SLC10A7: variants seen among roughly 807,000 people sequenced by gnomAD.
The protein encoded by SLC10A7 is solute carrier family 10 member 7.
A neutral mutation model predicts 43.2 loss-of-function variants in SLC10A7; 29 were observed. The ratio of observed to expected loss-of-function variants is 0.67; its 90% CI spans 0.50 to 0.92. The LOEUF is 0.92. SLC10A7 is among the 40% of genes least tolerant of loss of function. The pLI is 0.00. For missense variants in SLC10A7, 295 were observed against 403.2 expected (o/e 0.73, Z 2.30); for synonymous variants, 152 against 144.8 (o/e 1.05, Z -0.35).
chr4:146,463,840 T>C (rs1333147268), intron 4 of SLC10A7, among the ~76,000 whole-genome samples: 1 of 151,530 alleles, frequency 6.6e-6, no homozygotes, highest in Non-Finnish European at 1.5e-5. Flanking sequence ...TTTTTTTTTT[T>C]TGAGACAAAG....
chr4:146,403,301 A>T (rs997212267), intron 5 of SLC10A7, among the ~76,000 whole-genome samples: 17 of 152,130 alleles, frequency 1.1e-4, no homozygotes, highest in African/African-American at 4.1e-4. Context: ...TAATTTCTGG[A>T]CTTGAGTTTC....
At chr4:146,392,451 G>C (rs573154738) in intron 5 of SLC10A7, among the ~76,000 whole-genome samples, 2 of 152,208 alleles carry the variant, frequency 1.3e-5, no homozygotes, top group East Asian at 3.9e-4. Flanking sequence ...ATATATGTGT[G>C]GGTCTATATA....
At chr4:146,349,779 A>T (rs572188753) in intron 5 of SLC10A7, among the ~76,000 whole-genome samples, 1 of 152,214 alleles carries the variant, frequency 6.6e-6, no homozygotes, top group South Asian at 2.1e-4. Context: ...AGCGGAACCT[A>T]GATATTGGGT....
intron 5 of SLC10A7, among the ~76,000 whole-genome samples, chr4:146,427,169 A>G (rs1729431810): frequency 6.6e-6 from 1 of 152,014 alleles, no homozygotes; most frequent in Non-Finnish European, 1.5e-5. Flanking sequence ...GTCTCTATAA[A>G]AAATTAAAAC....
chr4:146,495,506 A>G (rs1735801940), intron 4 of SLC10A7, among the ~76,000 whole-genome samples: 1 of 152,192 alleles, frequency 6.6e-6, no homozygotes, highest in South Asian at 2.1e-4. Context: ...CAGAAATTGA[A>G]CTTACAGTCT....
intron 4 of SLC10A7, among the ~76,000 whole-genome samples, chr4:146,445,893 G>C (rs565757761): frequency 6.3e-5 from 9 of 143,652 alleles, no homozygotes; most frequent in Middle Eastern, 3.5e-3. Flanking sequence ...TCTCTCTTCT[G>C]TGTGTGTGTG....
intron 5 of SLC10A7, among the ~76,000 whole-genome samples, chr4:146,435,141 G>A (rs1304317395): frequency 1.3e-5 from 2 of 152,066 alleles, no homozygotes; most frequent in East Asian, 3.9e-4. Flanking sequence ...CTTAAAAAAT[G>A]ATTTTTTTAT....
chr4:146,290,042 G>T (rs1459607041), intron 9 of SLC10A7, among the ~76,000 whole-genome samples: 1 of 148,748 alleles, frequency 6.7e-6, no homozygotes, highest in African/African-American at 2.4e-5. Context: ...AGAAATTCTT[G>T]GGCTGGGCGT....
intron 9 of SLC10A7, among the ~76,000 whole-genome samples, chr4:146,291,215 A>C (rs1351662006): frequency 2.0e-5 from 3 of 152,240 alleles, no homozygotes; most frequent in African/African-American, 7.2e-5. Context: ...TGTCTTTTCT[A>C]AGGTGATATA....
At chr4:146,418,900 C>A (rs1042149957) in intron 5 of SLC10A7, among the ~76,000 whole-genome samples, 4 of 152,190 alleles carry the variant, frequency 2.6e-5, no homozygotes, top group Non-Finnish European at 4.4e-5. Flanking sequence ...TTCCCACAAC[C>A]CCTCCTCATG....
At chr4:146,291,683 C>T (rs1730452819) in intron 9 of SLC10A7, among the ~76,000 whole-genome samples, 1 of 152,026 alleles carries the variant, frequency 6.6e-6, no homozygotes, top group African/African-American at 2.4e-5. Flanking sequence ...CTTCTTCTCC[C>T]ACCAAGAACT....
Position 146,521,694 on chromosome 4 carries a change from C to T in SLC10A7, c.24G>A (p.Arg8=), listed in dbSNP as rs757412585. The change falls in exon 1 of 12, where the codon AGG becomes AGA. Residue 8 remains arginine, a synonymous_variant. Transcript: ENST00000335472. The stretch of plus-strand genomic sequence containing the variant: ...CTATTCCGACCATGAACCAGTCTTT[C>T]CTCATTCTCTCCAGCAGCCTCATAT... MRLLERM[R]KDWFMVGIVL... is the part of the protein sequence containing the mutation. 3 of 1,614,148 alleles carry T rather than the reference C, an allele frequency of 1.9e-6. No individual in the cohort carries two copies. In the South Asian group the frequency reaches 3.3e-5, roughly 18 times the overall value.
At chr4:146,355,496 C>G (rs1245059448) in intron 5 of SLC10A7, among the ~76,000 whole-genome samples, 1 of 151,518 alleles carries the variant, frequency 6.6e-6, no homozygotes, top group African/African-American at 2.4e-5. Context: ...CCTCAGGGAT[C>G]TAGAACTAGA....
chr4:146,506,271 T>A (rs1023795463), intron 3 of SLC10A7, among the ~76,000 whole-genome samples: 7 of 151,784 alleles, frequency 4.6e-5, no homozygotes, highest in African/African-American at 9.7e-5. Flanking sequence ...AAAAAAAAAA[T>A]TTGCCAACTA....
chr4:146,458,525 A>T (rs1311947261), intron 4 of SLC10A7, among the ~76,000 whole-genome samples: 1 of 151,904 alleles, frequency 6.6e-6, no homozygotes, highest in Non-Finnish European at 1.5e-5. Flanking sequence ...TAAGGATTTG[A>T]TTGGTAAATG....
intron 5 of SLC10A7, among the ~76,000 whole-genome samples, chr4:146,333,628 G>A (rs1002842014): frequency 2.6e-5 from 4 of 152,144 alleles, no homozygotes; most frequent in Non-Finnish European, 5.9e-5. Context: ...AACTGAAAGC[G>A]AAGAGCAGAA....
intron 9 of SLC10A7, among the ~76,000 whole-genome samples, chr4:146,289,741 A>T (rs1730286698): frequency 3.0e-5 from 3 of 98,702 alleles, no homozygotes; most frequent in East Asian, 3.4e-4. Flanking sequence ...TTTGAGATGG[A>T]GTCTTGCTCT....
At chr4:146,470,401 T>A (rs1733459130) in intron 4 of SLC10A7, among the ~76,000 whole-genome samples, 1 of 151,432 alleles carries the variant, frequency 6.6e-6, no homozygotes, top group Non-Finnish European at 1.5e-5. Flanking sequence ...TATGTACATA[T>A]ATAAATATAT....
chr4:146,495,026 C>T (rs1735766528), intron 4 of SLC10A7, among the ~76,000 whole-genome samples: 1 of 152,190 alleles, frequency 6.6e-6, no homozygotes, highest in African/African-American at 2.4e-5. Flanking sequence ...AAGGTAGATA[C>T]AGTAGAAGAG....
Sources: allele counts gnomAD v4.1 joint callset (sites outside exome capture counted in the v4.1 genomes callset), GRCh38; gene constraint gnomAD v4.1.1; transcripts MANE v1.5; gene names NCBI Gene and HGNC (gene_info 2026-07-23, HGNC 2026-07-21).